SLC25A43: variants seen among roughly 807,000 people sequenced by gnomAD.
SLC25A43 encodes the protein solute carrier family 25 member 43, also known as solute carrier family 25, member 43.
A neutral mutation model predicts 22.8 loss-of-function variants in SLC25A43; 10 were observed. That is an observed-to-expected ratio of 0.44 (90% confidence interval 0.27 to 0.74). The LOEUF is 0.74. Among genes scored for constraint, SLC25A43 ranks in the 30% least tolerant of loss-of-function variants. SLC25A43 has a pLI of 0.17. For missense variants in SLC25A43, 233 were observed against 279.1 expected (o/e 0.83, Z 1.18); for synonymous variants, 106 against 121.6 (o/e 0.87, Z 0.84).
intron 1 of SLC25A43, among the ~76,000 whole-genome samples, chrX:119,405,015 C>T (rs1447833861): frequency 5.4e-5 from 6 of 111,000 alleles, no homozygotes; most frequent in Non-Finnish European, 1.1e-4. Flanking sequence ...AGAGTCCTAC[C>T]TTGGGCAGGT....
At chrX:119,401,790 C>T (rs2147248290) in intron 1 of SLC25A43, among the ~76,000 whole-genome samples, 2 of 109,989 alleles carry the variant, frequency 1.8e-5, no homozygotes. Flanking sequence ...CACATCGTGG[C>T]AGAGTAAGAT....
rs1189483782 is a variant in SLC25A43 at position 119,410,173 on chromosome X, C to A, written c.518-17C>A. 1 of 1,205,900 alleles carries A rather than the reference C, an allele frequency of 8.3e-7. No individual in the cohort carries two copies. The highest frequency in any genetic ancestry group is 2.2e-5 in the Admixed American group (1 of 45,527). ...TTCCCAAGACAGCAGCAGCTTCTCC[C>A]TGGCCTTGTTTTGCAGGTGCTCTCC... On this transcript the variant is annotated splice_polypyrimidine_tract_variant and intron_variant, in intron 2 of 4. Coordinates refer to ENST00000217909, the MANE Select transcript of SLC25A43 (RefSeq NM_145305.3).
intron 3 of SLC25A43, among the ~76,000 whole-genome samples, chrX:119,421,256 G>T (rs1351296829): frequency 9.0e-6 from 1 of 110,944 alleles, no homozygotes; most frequent in South Asian, 3.8e-4. Flanking sequence ...AAGGAAGAAA[G>T]AGAGCCAGTA....
chrX:119,453,995 T>C lies in SLC25A43; in HGVS notation c.*930T>C. 1 of 112,536 alleles carries C rather than the reference T, an allele frequency of 8.9e-6. No individual in the cohort carries two copies. Among genetic ancestry groups the C allele is most frequent in the Non-Finnish European group, 1.9e-5 (1 of 53,272 alleles). The allele number at this position is 112,536 out of a possible 1,213,427, so 9.3% of individuals were successfully genotyped here. A position where few individuals can be genotyped will look rare whatever the true frequency, so the allele number is the denominator to read the frequency against. Reference sequence around the variant, plus strand: ...TTGAAGCATCCCAGGCTTAAAATCTTGTGTTTCAGAAAGACAGTTTATACC... The same window carrying C: ...TTGAAGCATCCCAGGCTTAAAATCTCGTGTTTCAGAAAGACAGTTTATACC... On this transcript the variant is annotated 3_prime_UTR_variant, in exon 5 of 5. Coordinates refer to ENST00000217909, the MANE Select transcript of SLC25A43 (RefSeq NM_145305.3).
intron 3 of SLC25A43, among the ~76,000 whole-genome samples, chrX:119,415,159 G>A (rs1266010589): frequency 5.5e-5 from 6 of 109,430 alleles, no homozygotes; most frequent in African/African-American, 1.0e-4. Flanking sequence ...TCTTGACCTC[G>A]TGATCCGCCT....
chrX:119,448,557 A>T (rs2052684029), intron 3 of SLC25A43, among the ~76,000 whole-genome samples: 2 of 111,064 alleles, frequency 1.8e-5, no homozygotes, highest in African/African-American at 6.6e-5. Flanking sequence ...AACACCCCGG[A>T]CATGCTCCTG....
intron 2 of SLC25A43, 121 bp downstream of exon 2, chrX:119,406,822 A>G: frequency 1.2e-6 from 1 of 857,454 alleles, no homozygotes; most frequent in Non-Finnish European, 1.6e-6. Flanking sequence ...TATGGATTCA[A>G]CCTACATAGA....
rs181238344 is a variant in SLC25A43 at position 119,431,220 on chromosome X, T to C, written c.691-20789T>C. Among the ~76,000 whole-genome samples the C allele has an allele frequency of 1.2e-4, 13 of 112,241 alleles. No homozygotes were observed. In the East Asian group the frequency reaches 3.1e-3, roughly 26 times the overall value. On this transcript the variant is annotated intron_variant, in intron 3 of 4. Transcript: ENST00000217909. ...TGTGAGGATTAAATGAGATAGTATA[T>C]AGAAAGCAATCAGTGGGCCAGGCGC...
chrX:119,417,160 G>A (rs775753323), intron 3 of SLC25A43, among the ~76,000 whole-genome samples: 2 of 110,444 alleles, frequency 1.8e-5, no homozygotes, highest in Non-Finnish European at 3.8e-5. Flanking sequence ...GCTCACATCT[G>A]TAATCCCAGC....
chrX:119,416,007 CAAAA>C (rs34024967), intron 3 of SLC25A43, among the ~76,000 whole-genome samples: 1 of 50,381 alleles, frequency 2.0e-5, no homozygotes, highest in East Asian at 6.3e-4. Flanking sequence ...GACCCTATCT[CAAAA>C]AAAAAAAAAA....
intron 3 of SLC25A43, among the ~76,000 whole-genome samples, chrX:119,443,114 C>T (rs1044572040): frequency 1.4e-5 from 1 of 73,177 alleles, no homozygotes; most frequent in Admixed American, 1.6e-4. Context: ...CCCATTCTCT[C>T]TCTTTTTTTT....
At chrX:119,430,496 G>C (rs2052543042) in intron 3 of SLC25A43, among the ~76,000 whole-genome samples, 1 of 111,883 alleles carries the variant, frequency 8.9e-6, no homozygotes, top group African/African-American at 3.2e-5. Context: ...TCTGGCTTCA[G>C]GGCCCATGTG....
At chrX:119,421,111 C>CAAAA (rs55775067) in intron 3 of SLC25A43, among the ~76,000 whole-genome samples, 4 of 50,393 alleles carry the variant, frequency 7.9e-5, no homozygotes, top group Non-Finnish European at 1.1e-4. Context: ...AACTTCATCT[C>CAAAA]AAAAAAAAAA....
chrX:119,432,223 A>G (rs1322513229), intron 3 of SLC25A43, among the ~76,000 whole-genome samples: 1 of 111,569 alleles, frequency 9.0e-6, no homozygotes, highest in East Asian at 2.8e-4. Flanking sequence ...TACTAACTGA[A>G]CTCAATATGT....
At chrX:119,404,515 A>G (rs956480622) in intron 1 of SLC25A43, among the ~76,000 whole-genome samples, 1 of 111,922 alleles carries the variant, frequency 8.9e-6, no homozygotes, top group Non-Finnish European at 1.9e-5. Context: ...CTCCCTGGGC[A>G]CGCCACCCTT....
chrX:119,446,728 T>C (rs1434907189), intron 3 of SLC25A43, among the ~76,000 whole-genome samples: 2 of 112,374 alleles, frequency 1.8e-5, no homozygotes, highest in African/African-American at 6.5e-5. Flanking sequence ...CCCACTCTTA[T>C]ACTGGGCATT....
intron 3 of SLC25A43, among the ~76,000 whole-genome samples, chrX:119,412,949 G>C (rs2052364530): frequency 9.1e-6 from 1 of 109,688 alleles, no homozygotes; most frequent in Admixed American, 9.8e-5. Context: ...GCGAGACCTT[G>C]TCTCTACTAA....
chrX:119,422,654 G>A (rs925305492), intron 3 of SLC25A43, among the ~76,000 whole-genome samples: 2 of 111,429 alleles, frequency 1.8e-5, no homozygotes, highest in East Asian at 5.6e-4. Context: ...CCGTGTGGTT[G>A]TACCTACCCA....
intron 3 of SLC25A43, among the ~76,000 whole-genome samples, chrX:119,451,356 C>T (rs1603299927): frequency 9.0e-6 from 1 of 111,285 alleles, no homozygotes; most frequent in Admixed American, 9.6e-5. Context: ...TTTATAGATG[C>T]CAAAGTTACC....
Sources: gnomAD v4.1 joint callset for allele counts (sites outside exome capture counted in the v4.1 genomes callset) on GRCh38, gnomAD v4.1.1 for gene constraint, MANE v1.5 for transcripts, NCBI Gene and HGNC (gene_info 2026-07-23, HGNC 2026-07-21) for gene names.